The following ADGRV1 variants were observed in gnomAD, a reference collection of about 807,000 sequenced individuals.
The protein encoded by ADGRV1 is adhesion G protein-coupled receptor V1, also known as G-protein coupled receptor 98.
A neutral mutation model predicts 596.2 loss-of-function variants in ADGRV1; 359 were observed. That is an observed-to-expected ratio of 0.60 (90% CI 0.55 to 0.66). The LOEUF is 0.66. Ranked by LOEUF, ADGRV1 falls within the 30% of genes least tolerant of loss-of-function variation. The pLI is 0.00. For missense variants in ADGRV1, 7,274 were observed against 7,575.6 expected, an observed-to-expected ratio of 0.96 and a Z score of 1.48; for synonymous variants, 2,681 against 2,679.2, an observed-to-expected ratio of 1.00 and a Z score of -0.02.
chr5:90,595,479 C>A (rs1760268937), intron 1 of ADGRV1, among the ~76,000 whole-genome samples: 1 of 88,280 alleles, frequency 1.1e-5, no homozygotes, highest in Non-Finnish European at 2.5e-5. Context: ...GCTGGCCGGG[C>A]AGAGGGGCTC....
At chr5:90,853,773 T>A (rs769434799) in intron 80 of ADGRV1, among the ~76,000 whole-genome samples, 2 of 152,180 alleles carry the variant, frequency 1.3e-5, no homozygotes, top group Non-Finnish European at 2.9e-5. Flanking sequence ...GTAAAAAATA[T>A]ATAGCTTTAA....
chr5:90,805,710 A>G (rs531869347), intron 72 of ADGRV1, among the ~76,000 whole-genome samples: 1 of 152,288 alleles, frequency 6.6e-6, no homozygotes, highest in Non-Finnish European at 1.5e-5. Context: ...TGTCCATACA[A>G]TAGGAGTTTG....
intron 85 of ADGRV1, among the ~76,000 whole-genome samples, chr5:91,035,360 G>T (rs10041529): frequency 6.6e-6 from 1 of 152,072 alleles, no homozygotes; most frequent in Non-Finnish European, 1.5e-5. Flanking sequence ...GAGTTTTGCT[G>T]AACAAATTAT....
intron 59 of ADGRV1, 148 bp downstream of exon 59, chr5:90,763,617 C>A: frequency 1.5e-6 from 1 of 682,454 alleles, no homozygotes; most frequent in Non-Finnish European, 2.3e-6. Flanking sequence ...CTAGTGAGCC[C>A]ATAACCCAAA....
intron 79 of ADGRV1, among the ~76,000 whole-genome samples, chr5:90,851,102 G>GGGGT (rs1554136388): frequency 2.4e-4 from 12 of 50,650 alleles, no homozygotes; most frequent in African/African-American, 6.3e-4. Flanking sequence ...AGCTAGGTAG[G>GGGGT]GTGTGTGTGT....
At chr5:90,748,339 T>A (rs1754854591) in intron 52 of ADGRV1, among the ~76,000 whole-genome samples, 1 of 152,220 alleles carries the variant, frequency 6.6e-6, no homozygotes, top group Non-Finnish European at 1.5e-5. Context: ...CAGCCTACAT[T>A]TTTTAAAAAG....
rs755222435 is a variant in ADGRV1, at chr5:90,745,075, T to C, written c.10579T>C (p.Ser3527Pro). The change falls in exon 51 of 90, where the codon TCT (serine) becomes CCT (proline). Residue 3527 changes from serine to proline, a missense_variant. This residue lies in a region of ADGRV1 where 3,643 missense variants were observed against 3,809.2 expected (regional missense o/e 0.96). Coordinates refer to ENST00000405460, the MANE Select transcript of ADGRV1 (RefSeq NM_032119.4). ...CATACTTCTTATTGGCCAAGATATGTCTGCTCTTTACTGCTGGAATTCGGA... is the reference window on the plus strand; with the variant it reads ...CATACTTCTTATTGGCCAAGATATGCCTGCTCTTTACTGCTGGAATTCGGA... ...AHILLIGQDMSALYCWNSERN... is the reference protein window; with the variant it reads ...AHILLIGQDMPALYCWNSERN... The C allele has an allele frequency of 5.0e-6, 8 of 1,613,830 alleles. No individual in the cohort carries two copies. The highest frequency in any genetic ancestry group is 1.7e-5 in the Admixed American group (1 of 60,020).
At position 90,748,355 on chromosome 5, in the gene ADGRV1, A is replaced by G. The variant is rs550068313; in HGVS notation, c.10975-2196A>G. Among the ~76,000 whole-genome samples, 44 of 152,368 alleles carry G rather than the reference A, an allele frequency of 2.9e-4. No homozygotes were observed. The South Asian group carries it at 8.9e-3, about 31-fold the overall frequency. ...AGCCTACATTTTTTAAAAAGTAGAAAGAAGCAGGTCACTTGATTTTAATAT... is the reference window on the plus strand; with the variant it reads ...AGCCTACATTTTTTAAAAAGTAGAAGGAAGCAGGTCACTTGATTTTAATAT... On this transcript the variant is annotated intron_variant, in intron 52 of 89. Transcript: ENST00000405460.
At chr5:90,847,499 T>C (rs1766013187) in intron 78 of ADGRV1, among the ~76,000 whole-genome samples, 1 of 152,240 alleles carries the variant, frequency 6.6e-6, no homozygotes, top group African/African-American at 2.4e-5. Context: ...TGCCTGCCAG[T>C]CCTGCGCTGT....
At chr5:90,569,646 C>T (rs1479507198) in intron 1 of ADGRV1, among the ~76,000 whole-genome samples, 2 of 150,826 alleles carry the variant, frequency 1.3e-5, no homozygotes, top group Non-Finnish European at 3.0e-5. Flanking sequence ...TCCTCTTTTA[C>T]TGCCTTCTTT....
intron 58 of ADGRV1, among the ~76,000 whole-genome samples, chr5:90,762,398 G>A (rs1756607235): frequency 6.6e-6 from 1 of 152,106 alleles, no homozygotes; most frequent in Non-Finnish European, 1.5e-5. Context: ...ATTTCAGTTT[G>A]TTTTAAATCT....
In ADGRV1 at chr5:90,675,452, T is replaced by C. The variant is rs768460110; in HGVS notation, c.5313+7T>C. ...CAGTCCTGAGGATTACCAGGTAATT[T>C]ACTCAGTCCTTTTGAAGTTGTATTT... is the stretch of plus-strand genomic sequence containing the variant. On this transcript the variant is annotated splice_region_variant and intron_variant, in intron 24 of 89. Transcript: ENST00000405460. 6.2e-7 allele frequency: 1 copy of C among 1,609,860 alleles called. No individual in the cohort carries two copies. The highest frequency in any genetic ancestry group is 8.5e-7 in the Non-Finnish European group (1 of 1,177,424).
At chr5:90,916,574 A>G (rs1773374575) in intron 83 of ADGRV1, among the ~76,000 whole-genome samples, 1 of 150,744 alleles carries the variant, frequency 6.6e-6, no homozygotes, top group Non-Finnish European at 1.5e-5. Flanking sequence ...CAATTTACAT[A>G]TTCTATTTCA....
intron 21 of ADGRV1, among the ~76,000 whole-genome samples, chr5:90,669,779 T>A (rs1216991614): frequency 6.6e-6 from 1 of 152,218 alleles, no homozygotes; most frequent in Non-Finnish European, 1.5e-5. Flanking sequence ...TACAATTTTC[T>A]GTGTTCACCA....
At chr5:90,762,685 C>T (rs184496588) in intron 58 of ADGRV1, 1 of 151,934 alleles carries the variant, frequency 6.6e-6, no homozygotes, top group Non-Finnish European at 1.5e-5. Context: ...TAATAAAAAC[C>T]ACTTTTAAAT....
At chr5:90,889,538 T>C (rs540736702) in intron 83 of ADGRV1, among the ~76,000 whole-genome samples, 85 of 152,102 alleles carry the variant, frequency 5.6e-4, no homozygotes, top group Non-Finnish European at 1.9e-4. Flanking sequence ...TCTGTTACAG[T>C]AAGAGGGAAA....
chr5:91,111,398 T>C (rs1044046100), intron 87 of ADGRV1, among the ~76,000 whole-genome samples: 6 of 152,218 alleles, frequency 3.9e-5, no homozygotes, highest in African/African-American at 1.4e-4. Context: ...ATGGAACGTA[T>C]TTCTTTGCTC....
chr5:90,719,548 C>A (rs921925868), intron 43 of ADGRV1, among the ~76,000 whole-genome samples: 1 of 151,874 alleles, frequency 6.6e-6, no homozygotes, highest in Non-Finnish European at 1.5e-5. Flanking sequence ...ATGTTTAGGT[C>A]TGTATGGTTG....
chr5:90,614,869 T>C lies in ADGRV1; in HGVS notation c.57T>C (p.Leu19=). 1 of 1,610,760 alleles carries C rather than the reference T, an allele frequency of 6.2e-7. No individual in the cohort carries two copies. Among genetic ancestry groups the C allele is most frequent in the Non-Finnish European group, 8.5e-7 (1 of 1,177,938 alleles). The part of the protein sequence containing the change: ...MPSASLLVNL[L]SALLILFVFG... ...CTGCATCTTTATTAGTAAATCTTCT[T>C]TCAGCTTTACTCATCCTATTTGTGT... The change falls in exon 2 of 90, where the codon CTT becomes CTC. Residue 19 remains leucine, a synonymous_variant. Coordinates refer to ENST00000405460, the MANE Select transcript of ADGRV1 (RefSeq NM_032119.4).
Sources: gnomAD v4.1 joint callset for allele counts (sites outside exome capture counted in the v4.1 genomes callset) on GRCh38, gnomAD v4.1.1 for gene constraint, gnomAD v4.1.1 regional missense constraint, MANE v1.5 for transcripts, NCBI Gene and HGNC (gene_info 2026-07-23, HGNC 2026-07-21) for gene names.